Variants in ADK observed in about 807,000 individuals in gnomAD.
ADK encodes adenosine kinase.
In ADK, 24 loss-of-function variants were observed where a neutral mutation model predicts 44.7. The ratio of observed to expected loss-of-function variants is 0.54; its 90% confidence interval spans 0.39 to 0.76. The LOEUF (loss-of-function observed/expected upper bound fraction) is 0.76, where lower values mean the gene tolerates loss of function less well. ADK is among the 30% of genes least tolerant of loss of function. The pLI, the probability that ADK is intolerant of heterozygous loss-of-function variation, is 0.00. For synonymous variants in ADK, 128 were observed against 142.6 expected, an observed-to-expected ratio of 0.90 and a Z score of 0.73; for missense variants, 321 against 425.1, an observed-to-expected ratio of 0.76 and a Z score of 2.15.
chr10:74,495,205 G>A (rs1847638733), intron 6 of ADK, among the ~76,000 whole-genome samples: 1 of 151,810 alleles, frequency 6.6e-6, no homozygotes, highest in Non-Finnish European at 1.5e-5. Context: ...TATAAATTTA[G>A]ACAATAAGTC....
At chr10:74,574,989 G>A (rs976687869) in intron 7 of ADK, among the ~76,000 whole-genome samples, 1 of 152,152 alleles carries the variant, frequency 6.6e-6, no homozygotes, top group African/African-American at 2.4e-5. Flanking sequence ...AGGTGGGGGG[G>A]AAACAGAGTA....
intron 3 of ADK, among the ~76,000 whole-genome samples, chr10:74,250,887 T>A (rs1845627840): frequency 6.6e-6 from 1 of 152,160 alleles, no homozygotes; most frequent in Non-Finnish European, 1.5e-5. Flanking sequence ...TGTGCCACCA[T>A]GGCTGGCCAA....
At chr10:74,157,550 A>C (rs560323672) in intron 1 of ADK, among the ~76,000 whole-genome samples, 7 of 152,112 alleles carry the variant, frequency 4.6e-5, no homozygotes, top group Non-Finnish European at 8.8e-5. Context: ...ATTGGAAGAA[A>C]GTACCCAGAT....
chr10:74,262,820 A>G (rs1395201749), intron 3 of ADK, among the ~76,000 whole-genome samples: 1 of 152,186 alleles, frequency 6.6e-6, no homozygotes, highest in Non-Finnish European at 1.5e-5. Flanking sequence ...ACTCAAGAAA[A>G]CTTTTGGAGA....
At chr10:74,313,494 T>C (rs1005476450) in intron 3 of ADK, among the ~76,000 whole-genome samples, 20 of 152,150 alleles carry the variant, frequency 1.3e-4, no homozygotes, top group African/African-American at 3.4e-4. Flanking sequence ...TACTCCATTA[T>C]ATTTTTAGCA....
intron 4 of ADK, chr10:74,372,083 G>A: frequency 1.3e-6 from 1 of 754,260 alleles, no homozygotes; most frequent in Non-Finnish European, 2.4e-6. Flanking sequence ...GGGAAGGTTT[G>A]CGCGCGTGTG....
chr10:74,159,067 A>G (rs1026593879), intron 1 of ADK, among the ~76,000 whole-genome samples: 5 of 152,134 alleles, frequency 3.3e-5, no homozygotes, highest in Non-Finnish European at 7.4e-5. Context: ...GCTCTCATTT[A>G]TGTGTATTAT....
intron 9 of ADK, among the ~76,000 whole-genome samples, chr10:74,643,746 CT>C (rs1853957282): frequency 6.6e-6 from 1 of 152,120 alleles, no homozygotes; most frequent in Non-Finnish European, 1.5e-5. Context: ...TTCATGTTTG[CT>C]TTTGGCAGGC....
intron 4 of ADK, among the ~76,000 whole-genome samples, chr10:74,387,227 G>A (rs1012874021): frequency 1.1e-4 from 17 of 152,274 alleles, no homozygotes; most frequent in East Asian, 3.9e-4. Context: ...GAGCCACTGC[G>A]CCTGGCCTGG....
intron 6 of ADK, among the ~76,000 whole-genome samples, chr10:74,524,851 A>T (rs1411155881): frequency 6.6e-6 from 1 of 152,210 alleles, no homozygotes; most frequent in African/African-American, 2.4e-5. Flanking sequence ...TGGGCAATAT[A>T]GTGAAACCTT....
intron 2 of ADK, among the ~76,000 whole-genome samples, chr10:74,211,955 A>G (rs1223329713): frequency 6.6e-6 from 1 of 152,100 alleles, no homozygotes; most frequent in Non-Finnish European, 1.5e-5. Flanking sequence ...AATGCTTCTT[A>G]AGTTTGAATA....
chr10:74,316,165 G>T (rs1187118672), intron 4 of ADK, among the ~76,000 whole-genome samples: 1 of 151,944 alleles, frequency 6.6e-6, no homozygotes, highest in East Asian at 1.9e-4. Flanking sequence ...GGTTGAACCT[G>T]GGCGGTATAG....
intron 1 of ADK, among the ~76,000 whole-genome samples, chr10:74,176,162 C>T (rs564006518): frequency 1.3e-5 from 2 of 152,282 alleles, no homozygotes; most frequent in East Asian, 3.9e-4. Flanking sequence ...TAAAGTGACA[C>T]TTTCCATATT....
intron 4 of ADK, among the ~76,000 whole-genome samples, chr10:74,317,385 G>A (rs1840659921): frequency 6.6e-6 from 1 of 152,052 alleles, no homozygotes; most frequent in Non-Finnish European, 1.5e-5. Flanking sequence ...TACTTTGTCA[G>A]TTTTTAAAAA....
Position 74,709,230 on chromosome 10 carries a change from A to ATATAATAC in ADK, c.*786_*793dup, listed in dbSNP as rs1856706778. On this transcript the variant is annotated 3_prime_UTR_variant, in exon 11 of 11. Coordinates refer to ENST00000539909, the MANE Select transcript of ADK (RefSeq NM_006721.4). ...GTTAATGGAATTATGAAGAACAGCA[A>ATATAATAC]TATAATACACTGAAGAATAACTTAG... 1 of 152,230 alleles carries ATATAATAC rather than the reference A, an allele frequency of 6.6e-6. No individual in the cohort carries two copies. Among genetic ancestry groups the ATATAATAC allele is most frequent in the African/African-American group, 2.4e-5 (1 of 41,464 alleles). The allele number at this position is 152,230 out of a possible 1,614,324, so 9.4% of individuals were successfully genotyped here.
Position 74,386,908 on chromosome 10 carries a change from A to G in ADK, c.274-7233A>G, listed in dbSNP as rs192023798. Among the ~76,000 whole-genome samples, 274 of 151,938 alleles carry G rather than the reference A, an allele frequency of 1.8e-3. 1 individual carries two copies. The highest frequency in any genetic ancestry group is 3.1e-3 in the Non-Finnish European group (214 of 67,968). ...AGGTAAACACAGTGACGTCTATCAGACACAGCATGAACCACTAGCTCCAGA... is the reference window on the plus strand; with the variant it reads ...AGGTAAACACAGTGACGTCTATCAGGCACAGCATGAACCACTAGCTCCAGA... On this transcript the variant is annotated intron_variant, in intron 4 of 10. Coordinates refer to ENST00000539909, the MANE Select transcript of ADK (RefSeq NM_006721.4).
chr10:74,307,678 A>G (rs1840302971), intron 3 of ADK, among the ~76,000 whole-genome samples: 1 of 152,200 alleles, frequency 6.6e-6, no homozygotes, highest in African/African-American at 2.4e-5. Flanking sequence ...GCTAGAGAGA[A>G]ATAATTAGCT....
intron 6 of ADK, among the ~76,000 whole-genome samples, chr10:74,438,229 T>C (rs1431172387): frequency 1.3e-5 from 2 of 148,362 alleles, no homozygotes; most frequent in Non-Finnish European, 3.0e-5. Context: ...TGCCTCTCTC[T>C]CTCTTTTTTT....
chr10:74,427,727 ATGTGTGTG>A (rs35949478), intron 6 of ADK, among the ~76,000 whole-genome samples: 45 of 148,504 alleles, frequency 3.0e-4, no homozygotes, highest in Middle Eastern at 3.4e-3. Context: ...ATGTATATGT[ATGTGTGTG>A]TGTGTGTGTG....
Sources: gnomAD v4.1 joint callset for allele counts (sites outside exome capture counted in the v4.1 genomes callset) on GRCh38, gnomAD v4.1.1 for gene constraint, MANE v1.5 for transcripts, NCBI Gene and HGNC (gene_info 2026-07-23, HGNC 2026-07-21) for gene names.